Variants in BANK1 observed in about 807,000 individuals in gnomAD.
BANK1 encodes the protein B cell scaffold protein with ankyrin repeats 1.
BANK1 carries 95 observed loss-of-function variants against 94.5 expected under a neutral mutation model. That is an observed-to-expected ratio of 1.00 (90% CI 0.85 to 1.19). The LOEUF is 1.19. Ranked by LOEUF, BANK1 falls within the 50% of genes most tolerant of loss-of-function variation. The probability of loss-of-function intolerance (pLI) is 0.00; values close to 1 mark genes in which losing one functional copy is unlikely to be tolerated. For synonymous variants in BANK1, 334 were observed against 308.4 expected, an observed-to-expected ratio of 1.08 and a Z score of -0.87; for missense variants, 987 against 932.2, an observed-to-expected ratio of 1.06 and a Z score of -0.77.
At chr4:101,908,576 A>T (rs1430591747) in intron 6 of BANK1, among the ~76,000 whole-genome samples, 1 of 152,226 alleles carries the variant, frequency 6.6e-6, no homozygotes, top group African/African-American at 2.4e-5. Context: ...TAAACCAAAG[A>T]GCTTCTGCAC....
intron 7 of BANK1, among the ~76,000 whole-genome samples, chr4:101,941,912 A>C (rs1413510015): frequency 6.6e-6 from 1 of 151,768 alleles, no homozygotes; most frequent in Non-Finnish European, 1.5e-5. Flanking sequence ...ATGATGATCC[A>C]CTTGTGTGGG....
At chr4:101,842,990 G>A (rs991479329) in intron 2 of BANK1, among the ~76,000 whole-genome samples, 8 of 152,162 alleles carry the variant, frequency 5.3e-5, no homozygotes, top group Non-Finnish European at 1.2e-4. Context: ...TGCTAAATGA[G>A]CTTTAGAAAG....
intron 6 of BANK1, among the ~76,000 whole-genome samples, chr4:101,905,401 C>T (rs938081532): frequency 6.6e-6 from 1 of 152,180 alleles, no homozygotes; most frequent in East Asian, 1.9e-4. Context: ...GAAATGCCCC[C>T]GTTTAGAATG....
chr4:101,984,853 T>G (rs1725430810), intron 7 of BANK1, among the ~76,000 whole-genome samples: 1 of 152,110 alleles, frequency 6.6e-6, no homozygotes, highest in South Asian at 2.1e-4. Context: ...AGTTCTGAGA[T>G]AATGTAATCA....
intron 5 of BANK1, among the ~76,000 whole-genome samples, chr4:101,894,773 T>C (rs778807312): frequency 6.6e-6 from 1 of 151,888 alleles, no homozygotes; most frequent in Non-Finnish European, 1.5e-5. Flanking sequence ...GTTAGAGAAA[T>C]AGAGTAGAAT....
intron 5 of BANK1, among the ~76,000 whole-genome samples, chr4:101,893,882 C>A (rs1291203804): frequency 6.6e-6 from 1 of 151,938 alleles, no homozygotes; most frequent in East Asian, 1.9e-4. Flanking sequence ...GTGTTCAAGG[C>A]CTTATTTGAA....
chr4:101,821,085 G>GT (rs1268863665), intron 1 of BANK1, among the ~76,000 whole-genome samples: 7 of 152,032 alleles, frequency 4.6e-5, no homozygotes, highest in African/African-American at 1.4e-4. Context: ...TAAGTTTTCC[G>GT]TTTTCTCGAC....
rs137989560 is a variant in BANK1, at chr4:101,872,104, C to T, written c.903+1460C>T. Among the ~76,000 whole-genome samples the T allele has an allele frequency of 3.3e-3, 504 of 152,066 alleles. 3 individuals are homozygous for T. The highest frequency in any genetic ancestry group is 0.011 in the African/African-American group (458 of 41,480). ...ATTTTTCTCTACCACCAAGCTCTGG[C>T]GGCCTGTAGAAGGGAGAATGTTGGG... On this transcript the variant is annotated intron_variant, in intron 5 of 16. Coordinates refer to ENST00000322953, the MANE Select transcript of BANK1 (RefSeq NM_017935.5).
At chr4:101,859,849 A>T (rs959507627) in intron 3 of BANK1, among the ~76,000 whole-genome samples, 3 of 152,224 alleles carry the variant, frequency 2.0e-5, no homozygotes, top group Non-Finnish European at 4.4e-5. Context: ...CACCCTTAGG[A>T]TGTTTAACAT....
intron 6 of BANK1, among the ~76,000 whole-genome samples, chr4:101,897,653 G>A (rs1027891530): frequency 6.6e-6 from 1 of 151,942 alleles, no homozygotes; most frequent in Non-Finnish European, 1.5e-5. Context: ...TCTCAAACTT[G>A]GCTGCATATT....
intron 1 of BANK1, 73 bp downstream of exon 1, chr4:101,791,023 T>G: frequency 1.6e-6 from 2 of 1,255,106 alleles, no homozygotes; most frequent in Non-Finnish European, 2.1e-6. Flanking sequence ...CCACGGGCCA[T>G]CGTTAGACAA....
intron 7 of BANK1, among the ~76,000 whole-genome samples, chr4:101,928,822 T>A (rs1379498706): frequency 6.6e-6 from 1 of 151,430 alleles, no homozygotes; most frequent in East Asian, 1.9e-4. Context: ...GAGCAGCGCC[T>A]GGCGCTGAAC....
intron 4 of BANK1, among the ~76,000 whole-genome samples, chr4:101,864,814 G>A (rs893193238): frequency 2.0e-5 from 3 of 152,172 alleles, no homozygotes; most frequent in Admixed American, 6.5e-5. Flanking sequence ...ACAGGCTTGA[G>A]GGGAGGAGGA....
chr4:101,919,902 G>C (rs1179114469), intron 7 of BANK1, among the ~76,000 whole-genome samples: 1 of 151,926 alleles, frequency 6.6e-6, no homozygotes, highest in African/African-American at 2.4e-5. Flanking sequence ...TTGCAAATGT[G>C]TAGTTAAGAA....
At chr4:101,844,607 A>C (rs911305785) in intron 2 of BANK1, among the ~76,000 whole-genome samples, 1 of 152,248 alleles carries the variant, frequency 6.6e-6, no homozygotes, top group Non-Finnish European at 1.5e-5. Context: ...GGAGTCAGAC[A>C]GACCTGGGTT....
chr4:101,996,594 C>T (rs2148934448), intron 7 of BANK1, among the ~76,000 whole-genome samples: 1 of 152,120 alleles, frequency 6.6e-6, no homozygotes, highest in African/African-American at 2.4e-5. Flanking sequence ...TGTGTGCTCC[C>T]TTATTTCCTT....
In BANK1 at chr4:102,027,755, A is replaced by G. The variant is rs74949994; in HGVS notation, c.1595-2205A>G. ...TACGGACTTCTTCATTGGAGAAACT[A>G]ATAACATATAATACTATAGAGCACT... On this transcript the variant is annotated intron_variant, in intron 9 of 16. Transcript: ENST00000322953. Among the ~76,000 whole-genome samples the G allele has an allele frequency of 5.3e-3, 808 of 152,120 alleles. 15 individuals carry two copies. The East Asian group carries it at 0.062, about 12-fold the overall frequency.
At chr4:102,006,441 C>G (rs1292323031) in intron 7 of BANK1, among the ~76,000 whole-genome samples, 1 of 151,888 alleles carries the variant, frequency 6.6e-6, no homozygotes, top group Non-Finnish European at 1.5e-5. Context: ...AATGTGCATT[C>G]AGGGCAAAGA....
intron 7 of BANK1, among the ~76,000 whole-genome samples, chr4:101,929,634 GTCTGCTTTCT>G (rs1723279990): frequency 1.3e-5 from 2 of 151,148 alleles, no homozygotes; most frequent in African/African-American, 4.9e-5. Context: ...TTTATTTTTT[GTCTGCTTTCT>G]ACTTATTAAG....
Sources: gnomAD v4.1 joint callset for allele counts (sites outside exome capture counted in the v4.1 genomes callset) on GRCh38, gnomAD v4.1.1 for gene constraint, MANE v1.5 for transcripts, NCBI Gene and HGNC (gene_info 2026-07-23, HGNC 2026-07-21) for gene names.